The following CPD variants were observed in gnomAD, a reference collection of about 807,000 sequenced individuals.
CPD encodes the protein metallocarboxypeptidase D.
In CPD, 69 loss-of-function variants were observed where a neutral mutation model predicts 138.3. The ratio of observed to expected loss-of-function variants is 0.50; its 90% CI spans 0.41 to 0.61. The LOEUF (loss-of-function observed/expected upper bound fraction) is 0.61. Ranked by LOEUF, CPD falls within the 20% of genes least tolerant of loss-of-function variation. The probability of loss-of-function intolerance (pLI) is 0.00; values close to 1 mark genes in which losing one functional copy is unlikely to be tolerated. For missense variants in CPD, 1,432 were observed against 1,733.3 expected, an observed-to-expected ratio of 0.83 and a Z score of 3.09; for synonymous variants, 651 against 642.1, an observed-to-expected ratio of 1.01 and a Z score of -0.21.
intron 12 of CPD, among the ~76,000 whole-genome samples, chr17:30,447,936 A>C (rs1272094235): frequency 6.6e-6 from 1 of 152,216 alleles, no homozygotes; most frequent in African/African-American, 2.4e-5. Flanking sequence ...TGCCTTGAGC[A>C]TATAGTTCTC....
At chr17:30,399,940 G>C (rs1164249911) in intron 2 of CPD, among the ~76,000 whole-genome samples, 1 of 152,130 alleles carries the variant, frequency 6.6e-6, no homozygotes, top group Non-Finnish European at 1.5e-5. Context: ...ACAGTGAGCC[G>C]AGATTGTACC....
rs146705932 is a variant in CPD at position 30,433,939 on chromosome 17, A to G, written c.2127+2058A>G. ...GCCTCCTCGAATCTTGTGTCTTCAT[A>G]TCTTATTTTATAAATGAGGAAGGTG... On this transcript the variant is annotated intron_variant, in intron 8 of 20. Transcript: ENST00000225719. 3.8e-4 allele frequency among the ~76,000 whole-genome samples: 58 copies of G among 152,246 alleles called. No individual in the cohort carries two copies. In the South Asian group the frequency reaches 6.0e-3, roughly 16 times the overall value.
chr17:30,442,167 A>G (rs1912889440), intron 9 of CPD, 141 bp from the exon 10 acceptor site: 1 of 622,676 alleles, frequency 1.6e-6, no homozygotes. Flanking sequence ...CAAGCATCAA[A>G]GTGCCCTCAC....
intron 14 of CPD, among the ~76,000 whole-genome samples, chr17:30,453,672 G>T (rs994131421): frequency 2.0e-5 from 3 of 152,226 alleles, no homozygotes; most frequent in Non-Finnish European, 4.4e-5. Context: ...TCTGTGTGGG[G>T]GCTCTGATCC....
At chr17:30,427,686 C>A in intron 7 of CPD, 128 bp downstream of exon 7, 3 of 783,654 alleles carry the variant, frequency 3.8e-6, no homozygotes, top group Non-Finnish European at 6.1e-6. Context: ...TTATGGCAGA[C>A]AACAGTAAAG....
Position 30,420,846 on chromosome 17 carries a change from A to G in CPD, c.1000A>G (p.Met334Val), listed in dbSNP as rs146972525. 1.3e-5 allele frequency: 21 copies of G among 1,609,692 alleles called. No individual in the cohort carries two copies. The highest frequency in any genetic ancestry group is 1.5e-5 in the Non-Finnish European group (18 of 1,177,456). The change falls in exon 3 of 21, where the codon ATG becomes GTG. Residue 334 changes from methionine to valine, a missense_variant. By Grantham distance (21) the Met-to-Val change is conservative (BLOSUM62 1). Coordinates refer to ENST00000225719, the MANE Select transcript of CPD (RefSeq NM_001304.5). ...GAHWYDVEGG[M>V]QDYNYVWANC... ...TTATTTTTTCTATGTTACAGGTGGT[A>G]TGCAAGATTACAATTATGTGTGGGC... is the stretch of plus-strand genomic sequence containing the variant.
intron 17 of CPD, among the ~76,000 whole-genome samples, chr17:30,458,406 A>G (rs1913358835): frequency 6.6e-6 from 1 of 152,090 alleles, no homozygotes; most frequent in Non-Finnish European, 1.5e-5. Flanking sequence ...TTGTTATCCT[A>G]TCTAAGGATC....
In CPD at chr17:30,435,536, A is replaced by G. The variant is rs79296649; in HGVS notation, c.2128-3439A>G. 2.6e-4 allele frequency among the ~76,000 whole-genome samples: 39 copies of G among 152,326 alleles called. No homozygotes were observed. In the East Asian group the frequency reaches 6.7e-3, roughly 26 times the overall value. On this transcript the variant is annotated intron_variant, in intron 8 of 20. Transcript: ENST00000225719. ...TAAAATAGGTCATAAACCTAAATATAGGAACTAAAACTATAAAACTAAGAA... is the reference window on the plus strand; with the variant it reads ...TAAAATAGGTCATAAACCTAAATATGGGAACTAAAACTATAAAACTAAGAA...
intron 2 of CPD, among the ~76,000 whole-genome samples, chr17:30,417,511 T>A (rs866151409): frequency 6.6e-6 from 1 of 152,160 alleles, no homozygotes; most frequent in Non-Finnish European, 1.5e-5. Flanking sequence ...CAATTACTCT[T>A]ACAGACCTTA....
At chr17:30,430,675 CAG>C (rs1306631564) in intron 7 of CPD, among the ~76,000 whole-genome samples, 3 of 152,044 alleles carry the variant, frequency 2.0e-5, no homozygotes, top group Non-Finnish European at 2.9e-5. Flanking sequence ...TGTTTTGAAA[CAG>C]AGTCTCACTC....
chr17:30,424,914 T>C (rs1456391821), intron 6 of CPD, among the ~76,000 whole-genome samples: 1 of 152,202 alleles, frequency 6.6e-6, no homozygotes, highest in Non-Finnish European at 1.5e-5. Flanking sequence ...CATTAGTTGG[T>C]CATTAGTACC....
chr17:30,460,687 A>G (rs1448801436), intron 17 of CPD, among the ~76,000 whole-genome samples: 1 of 152,136 alleles, frequency 6.6e-6, no homozygotes, highest in East Asian at 1.9e-4. Context: ...GGGTTTTTGA[A>G]CCTGTCTGCA....
intron 8 of CPD, among the ~76,000 whole-genome samples, chr17:30,432,758 A>G (rs951082034): frequency 2.6e-5 from 4 of 152,046 alleles, no homozygotes; most frequent in African/African-American, 4.8e-5. Context: ...AAAATAAAAA[A>G]TAAAAAAAAA....
intron 2 of CPD, among the ~76,000 whole-genome samples, chr17:30,395,700 T>G (rs1911487100): frequency 1.4e-5 from 2 of 145,394 alleles, no homozygotes; most frequent in East Asian, 2.0e-4. Flanking sequence ...TTAACTCAGG[T>G]GGTAGAGAAT....
chr17:30,421,611 C>A, intron 3 of CPD, 53 bp from the exon 4 acceptor site: 1 of 1,524,480 alleles, frequency 6.6e-7, no homozygotes, highest in Non-Finnish European at 9.0e-7. Flanking sequence ...AGAAATTATG[C>A]GCTCTTGCCT....
Position 30,468,618 on chromosome 17 carries a change from G to C in CPD, c.*3804G>C, listed in dbSNP as rs1411421984. The C allele has an allele frequency of 6.6e-6, 1 of 152,506 alleles. No homozygotes were observed. The highest frequency in any genetic ancestry group is 1.5e-5 in the Non-Finnish European group (1 of 67,994). 9.4% of individuals were successfully genotyped at this position (152,506 alleles called of 1,614,324 possible). A position where few individuals can be genotyped will look rare whatever the true frequency, so the allele number is the denominator to read the frequency against. On this transcript the variant is annotated 3_prime_UTR_variant, in exon 21 of 21. Coordinates refer to ENST00000225719, the MANE Select transcript of CPD (RefSeq NM_001304.5). ...TTTATGTGAAATCTAACTGTAATGA[G>C]GTCCTTTCTGTTTTTTATATGTAAA...
Position 30,379,852 on chromosome 17 carries a change from C to T in CPD, c.746+126C>T. 1 of 636,852 alleles carries T rather than the reference C, an allele frequency of 1.6e-6. No homozygotes were observed. Among genetic ancestry groups the T allele is most frequent in the Non-Finnish European group, 2.3e-6 (1 of 427,606 alleles). 39.5% of individuals were successfully genotyped at this position (636,852 alleles called of 1,614,324 possible). ...GCGGTGGTGAAGGTGAAGGGAGACA[C>T]CCTGTAACGGGGACAGGGCCCAGGC... On this transcript the variant is annotated intron_variant, in intron 1 of 20. Coordinates refer to ENST00000225719, the MANE Select transcript of CPD (RefSeq NM_001304.5). The surrounding 1 kb of genome is among the most constrained non-coding windows in gnomAD (Gnocchi z 7.0).
intron 14 of CPD, among the ~76,000 whole-genome samples, chr17:30,453,862 A>G (rs1913226606): frequency 6.6e-6 from 1 of 152,198 alleles, no homozygotes; most frequent in Non-Finnish European, 1.5e-5. Context: ...GGAAGCTGCC[A>G]GGTCTCGGGG....
intron 2 of CPD, among the ~76,000 whole-genome samples, chr17:30,417,520 TA>T (rs1912142623): frequency 6.6e-6 from 1 of 152,150 alleles, no homozygotes; most frequent in African/African-American, 2.4e-5. Context: ...TTACAGACCT[TA>T]TTTTTTCTGT....
Sources: gnomAD v4.1 joint callset for allele counts (sites outside exome capture counted in the v4.1 genomes callset) on GRCh38, gnomAD v4.1.1 for gene constraint, Gnocchi (gnomAD v3.1) non-coding constraint, MANE v1.5 for transcripts, NCBI Gene and HGNC (gene_info 2026-07-23, HGNC 2026-07-21) for gene names.